TRMT1L: variants seen among roughly 807,000 people sequenced by gnomAD.
TRMT1L encodes the protein tRNA methyltransferase 1L.
A neutral mutation model predicts 81.6 loss-of-function variants in TRMT1L; 28 were observed. That is an observed-to-expected ratio of 0.34 (90% CI 0.25 to 0.47). The LOEUF is 0.47. TRMT1L is among the 20% of genes least tolerant of loss of function. TRMT1L has a pLI of 1.00. For synonymous variants in TRMT1L, 301 were observed against 303.2 expected (o/e 0.99, Z 0.07); for missense variants, 739 against 877.1 (o/e 0.84, Z 1.99).
chr1:185,124,837 C>T, intron 12 of TRMT1L, 107 bp downstream of exon 12: 8 of 1,070,404 alleles, frequency 7.5e-6, no homozygotes, highest in Non-Finnish European at 1.0e-5. Flanking sequence ...TAAAAACACA[C>T]TATTTATAAT....
Position 185,139,436 on chromosome 1 carries a change from C to G in TRMT1L, c.1253G>C (p.Gly418Ala). 1.2e-6 allele frequency: 2 copies of G among 1,614,130 alleles called. No individual in the cohort carries two copies. The highest frequency in any genetic ancestry group is 1.7e-6 in the Non-Finnish European group (2 of 1,180,008). Residue 418 changes from glycine to alanine, a missense_variant, in exon 9 of 15, where the codon GGA becomes GCA. Gly to Ala is a moderately conservative substitution (Grantham distance 60). This residue lies in a region of TRMT1L where 331 missense variants were observed against 462.2 expected (regional missense o/e 0.72). Transcript: ENST00000367506. ...ATATTCAGTTCGGACAATGTTACAT[C>G]CGTAGTGACGCCGGGCAACATGCTG... ...KAQHVARRHY[G>A]CNIVRTEYYK...
Position 185,139,624 on chromosome 1 carries a change from C to T in TRMT1L, c.1110-45G>A, listed in dbSNP as rs374959129. 100 of 1,312,172 alleles carry T rather than the reference C, an allele frequency of 7.6e-5. 1 individual carries two copies. The East Asian group carries it at 1.2e-3, about 16-fold the overall frequency. 81.3% of individuals were successfully genotyped at this position (1,312,172 alleles called of 1,614,324 possible). ...AGACATTTTAAAGTCATATTAGTAA[C>T]AAAAATTATACCACTGTAATTATTT... On this transcript the variant is annotated intron_variant, in intron 8 of 14. Coordinates refer to ENST00000367506, the MANE Select transcript of TRMT1L (RefSeq NM_030934.5).
rs1049825805 is a variant in TRMT1L, at chr1:185,156,560, C to T, written c.153G>A (p.Ser51=). Residue 51 remains serine, a synonymous_variant, in exon 1 of 15, where the codon TCG becomes TCA. Transcript: ENST00000367506. ...CCAGGGCAGGGGCTGGGGCTGGAGC[C>T]GAGGCCGGAGTCGGAGCCGAGTCCA... ...SALDSAPTPA[S]APAPAPALAQ... 6.2e-7 allele frequency: 1 copy of T among 1,601,946 alleles called. No homozygotes were observed. Among genetic ancestry groups the T allele is most frequent in the Non-Finnish European group, 8.5e-7 (1 of 1,174,708 alleles).
Position 185,119,915 on chromosome 1 carries a change from A to G in TRMT1L, c.*104T>C. 7.8e-7 allele frequency: 1 copy of G among 1,281,682 alleles called. No individual in the cohort carries two copies. The highest frequency in any genetic ancestry group is 1.0e-6 in the Non-Finnish European group (1 of 963,956). The allele number at this position is 1,281,682 out of a possible 1,614,324, so 79.4% of individuals were successfully genotyped here. ...CTGAATGAAAATGACACTGTTTTTTATTTTTACTCTACTGAATTGAAAGAA... is the reference window on the plus strand; with the variant it reads ...CTGAATGAAAATGACACTGTTTTTTGTTTTTACTCTACTGAATTGAAAGAA... On this transcript the variant is annotated 3_prime_UTR_variant, in exon 15 of 15. Transcript: ENST00000367506.
At position 185,148,713 on chromosome 1, in the gene TRMT1L, G is replaced by A. The variant is rs116457955; in HGVS notation, c.461-1467C>T. ...AAGAATATGAGAGATCCTTTTAATT[G>A]AAATGAGACCTTTATTTTCCTAAGA... is the stretch of plus-strand genomic sequence containing the variant. On this transcript the variant is annotated intron_variant, in intron 3 of 14. Transcript: ENST00000367506. Among the ~76,000 whole-genome samples, 356 of 152,224 alleles carry A rather than the reference G, an allele frequency of 2.3e-3. 2 individuals carry two copies. The highest frequency in any genetic ancestry group is 8.2e-3 in the African/African-American group (341 of 41,548).
At chr1:185,147,943 A>C (rs1653233061) in intron 3 of TRMT1L, among the ~76,000 whole-genome samples, 1 of 152,158 alleles carries the variant, frequency 6.6e-6, no homozygotes. Flanking sequence ...CTAAACTGGT[A>C]ATTTATCTTA....
chr1:185,123,016 CTTCT>C (rs1319272303), intron 13 of TRMT1L, among the ~76,000 whole-genome samples: 1 of 152,098 alleles, frequency 6.6e-6, no homozygotes, highest in Non-Finnish European at 1.5e-5. Flanking sequence ...TATCATAATG[CTTCT>C]TTGTCTTCCC....
intron 3 of TRMT1L, among the ~76,000 whole-genome samples, chr1:185,148,784 A>C (rs1454668158): frequency 6.6e-6 from 1 of 152,150 alleles, no homozygotes; most frequent in Admixed American, 6.5e-5. Context: ...CTAAACTTAA[A>C]AGACAAGATG....
At chr1:185,127,931 T>C (rs1446736401) in intron 11 of TRMT1L, among the ~76,000 whole-genome samples, 1 of 151,852 alleles carries the variant, frequency 6.6e-6, no homozygotes, top group Admixed American at 6.6e-5. Context: ...CTGGCAAACA[T>C]GGTGAAACCC....
intron 11 of TRMT1L, among the ~76,000 whole-genome samples, chr1:185,128,139 C>A (rs546333214): frequency 2.0e-5 from 3 of 151,996 alleles, no homozygotes; most frequent in Admixed American, 2.0e-4. Context: ...ACAAAAAAAA[C>A]CAATTCAACT....
intron 3 of TRMT1L, among the ~76,000 whole-genome samples, chr1:185,148,544 T>C (rs1455496711): frequency 6.6e-6 from 1 of 152,136 alleles, no homozygotes; most frequent in African/African-American, 2.4e-5. Context: ...ACCAGAGCAA[T>C]ACCATGTGAA....
chr1:185,151,478 T>C (rs555449559), intron 2 of TRMT1L, among the ~76,000 whole-genome samples: 7 of 152,178 alleles, frequency 4.6e-5, no homozygotes, highest in Non-Finnish European at 1.0e-4. Flanking sequence ...CAGCCCTAAA[T>C]TGCCTATCTT....
At chr1:185,157,033 T>A, upstream of TRMT1L, 1 of 332,030 alleles carries the variant, frequency 3.0e-6, no homozygotes. Flanking sequence ...ACGGTGCGTC[T>A]CCGGCCCACC....
Position 185,151,914 on chromosome 1 carries a change from C to T in TRMT1L, c.257G>A (p.Arg86Lys), listed in dbSNP as rs1415307306. 2 of 1,598,270 alleles carry T rather than the reference C, an allele frequency of 1.3e-6. No homozygotes were observed. The highest frequency in any genetic ancestry group is 1.8e-5 in the Admixed American group (1 of 56,614). Reference sequence around the variant, plus strand: ...TAAATTCTCTAGATCAGCAAGCTGCCTTTGAATTGAGATGTGTCTCTCTGA... The same window carrying T: ...TAAATTCTCTAGATCAGCAAGCTGCTTTTGAATTGAGATGTGTCTCTCTGA... ...AKSKRHISIQ[R>K]QLADLENLAF... is the part of the protein sequence containing the mutation. The change falls in exon 2 of 15, where the codon AGG (arginine) becomes AAG (lysine). Residue 86 changes from arginine (R) to lysine (K), a missense_variant. This residue lies in a region of TRMT1L where 209 missense variants were observed against 165.4 expected (regional missense o/e 1.26). Transcript: ENST00000367506.
At chr1:185,132,443 T>C (rs1032437920) in intron 10 of TRMT1L, among the ~76,000 whole-genome samples, 1 of 151,560 alleles carries the variant, frequency 6.6e-6, no homozygotes, top group African/African-American at 2.4e-5. Flanking sequence ...TGCTTGAATC[T>C]AGCAGGTGAA....
At chr1:185,138,118 A>G (rs112021166) in intron 9 of TRMT1L, among the ~76,000 whole-genome samples, 2,717 of 152,086 alleles carry the variant, frequency 0.018, 85 homozygotes, top group African/African-American at 0.062. Context: ...CTTCCTTTTT[A>G]TCTATTTTAT....
Position 185,156,901 on chromosome 1 carries a change from C to T in TRMT1L, c.-189G>A. The T allele has an allele frequency of 1.3e-6, 1 of 777,654 alleles. No individual in the cohort carries two copies. The highest frequency in any genetic ancestry group is 1.9e-6 in the Non-Finnish European group (1 of 520,488). 48.2% of individuals were successfully genotyped at this position (777,654 alleles called of 1,614,324 possible). Reference sequence around the variant, plus strand: ...AATCCTGTTAGTAGAAAACAGAAAGCCAGAGGCAGCGATTCCAGATGCCCG... The same window carrying T: ...AATCCTGTTAGTAGAAAACAGAAAGTCAGAGGCAGCGATTCCAGATGCCCG... On this transcript the variant is annotated 5_prime_UTR_variant, in exon 1 of 15. Transcript: ENST00000367506.
chr1:185,139,754 C>T (rs969217969), intron 8 of TRMT1L, among the ~76,000 whole-genome samples, 175 bp from the exon 9 acceptor site: 7 of 152,108 alleles, frequency 4.6e-5, no homozygotes, highest in African/African-American at 1.7e-4. Context: ...ATGTATCAGA[C>T]ATGTAAAAAT....
intron 4 of TRMT1L, 56 bp from the exon 5 acceptor site, chr1:185,145,624 T>A: frequency 1.9e-6 from 3 of 1,561,120 alleles, no homozygotes; most frequent in East Asian, 2.3e-5. Flanking sequence ...AACAGAAGTA[T>A]ATGTTTGCAA....
Sources: gnomAD v4.1 joint callset for allele counts (sites outside exome capture counted in the v4.1 genomes callset) on GRCh38, gnomAD v4.1.1 for gene constraint, gnomAD v4.1.1 regional missense constraint, MANE v1.5 for transcripts, NCBI Gene and HGNC (gene_info 2026-07-23, HGNC 2026-07-21) for gene names.